The following ZMYND8 variants were observed in gnomAD, a reference collection of about 807,000 sequenced individuals.
ZMYND8 encodes the protein MYND-type zinc finger-containing chromatin reader ZMYND8.
Under a neutral mutation model 140.8 loss-of-function variants are expected in ZMYND8, and 37 were observed. The observed-to-expected ratio is 0.26, with a 90% CI of 0.20 to 0.35. The LOEUF (loss-of-function observed/expected upper bound fraction) is 0.35, where lower values mean the gene tolerates loss of function less well. Ranked by LOEUF, ZMYND8 falls within the 10% of genes least tolerant of loss-of-function variation. The pLI, the probability that ZMYND8 is intolerant of heterozygous loss-of-function variation, is 1.00. For synonymous variants in ZMYND8, 592 were observed against 597.1 expected (o/e 0.99, Z 0.12); for missense variants, 1,068 against 1,570.0 (o/e 0.68, Z 5.40).
At chr20:47,346,760 C>A (rs1326573082) in intron 2 of ZMYND8, among the ~76,000 whole-genome samples, 2 of 152,194 alleles carry the variant, frequency 1.3e-5, no homozygotes, top group Admixed American at 1.3e-4. Flanking sequence ...GCGCGTGCCA[C>A]CATGCCCGAC....
chr20:47,314,161 C>T (rs915485648), intron 2 of ZMYND8, among the ~76,000 whole-genome samples: 1 of 151,986 alleles, frequency 6.6e-6, no homozygotes, highest in African/African-American at 2.4e-5. Context: ...CCACTCTATA[C>T]CCTTGTGTAC....
At chr20:47,235,626 G>A (rs770443247) in intron 16 of ZMYND8, among the ~76,000 whole-genome samples, 5 of 151,656 alleles carry the variant, frequency 3.3e-5, no homozygotes, top group Admixed American at 1.3e-4. Context: ...AGAATTGCTT[G>A]AACCCAGGAG....
intron 12 of ZMYND8, among the ~76,000 whole-genome samples, chr20:47,255,738 A>ATATATATATATATACGG (rs2074610952): frequency 3.2e-5 from 1 of 31,698 alleles, no homozygotes; most frequent in Non-Finnish European, 5.9e-5. Context: ...ATATATATAT[A>ATATATATATATATACGG]TATATATATA....
chr20:47,216,949 G>A (rs1176676431), intron 21 of ZMYND8, among the ~76,000 whole-genome samples: 1 of 152,202 alleles, frequency 6.6e-6, no homozygotes, highest in African/African-American at 2.4e-5. Context: ...GTGATGAGAG[G>A]AGTTTGTGTT....
At chr20:47,270,161 C>A (rs1450373703) in intron 11 of ZMYND8, among the ~76,000 whole-genome samples, 1 of 151,480 alleles carries the variant, frequency 6.6e-6, no homozygotes, top group Non-Finnish European at 1.5e-5. Flanking sequence ...CTGCTTGAGC[C>A]CAAGAGTTGA....
At chr20:47,236,937 C>A (rs1003928588) in intron 15 of ZMYND8, among the ~76,000 whole-genome samples, 2 of 152,198 alleles carry the variant, frequency 1.3e-5, no homozygotes, top group African/African-American at 4.8e-5. Flanking sequence ...CCTGACTCTA[C>A]TGAGGCCCAA....
intron 8 of ZMYND8, chr20:47,285,621 T>G (rs1271919573): frequency 1.1e-6 from 1 of 937,008 alleles, no homozygotes; most frequent in Non-Finnish European, 1.3e-6. Context: ...ATCTGACATG[T>G]TCACAGCCTC....
At chr20:47,236,183 T>TG (rs2039207379) in intron 16 of ZMYND8, 143 bp downstream of exon 16, 5 of 932,598 alleles carry the variant, frequency 5.4e-6, no homozygotes, top group Non-Finnish European at 3.2e-6. Flanking sequence ...AACGTGGTCT[T>TG]GGAGATTCTG....
At chr20:47,343,974 T>C (rs2082129997) in intron 2 of ZMYND8, among the ~76,000 whole-genome samples, 1 of 149,990 alleles carries the variant, frequency 6.7e-6, no homozygotes, top group South Asian at 2.1e-4. Flanking sequence ...TTTTTTTTTT[T>C]TTTTCTTTTT....
intron 11 of ZMYND8, among the ~76,000 whole-genome samples, chr20:47,271,597 G>C (rs1043262505): frequency 6.6e-6 from 1 of 152,214 alleles, no homozygotes; most frequent in Admixed American, 6.5e-5. Context: ...CAGCTTAACA[G>C]TAGGACTTAT....
At chr20:47,293,155 G>GAA (rs2077395228) in intron 5 of ZMYND8, among the ~76,000 whole-genome samples, 1 of 47,282 alleles carries the variant, frequency 2.1e-5, no homozygotes, top group East Asian at 7.6e-4. Flanking sequence ...AGGAAGGGAG[G>GAA]GAGGGAGGGA....
chr20:47,239,288 G>C, intron 14 of ZMYND8, 150 bp from the exon 15 acceptor site: 1 of 1,083,972 alleles, frequency 9.2e-7, no homozygotes, highest in Non-Finnish European at 1.2e-6. Flanking sequence ...CGCTGGAGGA[G>C]TACATTCTCA....
At chr20:47,325,876 A>C (rs899206273) in intron 2 of ZMYND8, among the ~76,000 whole-genome samples, 21 of 151,934 alleles carry the variant, frequency 1.4e-4, no homozygotes, top group African/African-American at 4.6e-4. Context: ...GATTCAAGCA[A>C]TTCTCCTGCC....
intron 2 of ZMYND8, among the ~76,000 whole-genome samples, chr20:47,313,364 T>G (rs1325671154): frequency 1.3e-5 from 2 of 152,168 alleles, no homozygotes; most frequent in East Asian, 3.9e-4. Flanking sequence ...GGCTCACGCC[T>G]GTAATCCCAG....
intron 11 of ZMYND8, among the ~76,000 whole-genome samples, chr20:47,266,447 A>G (rs1477843006): frequency 6.6e-6 from 1 of 151,892 alleles, no homozygotes; most frequent in Admixed American, 6.6e-5. Context: ...CGCCCGGCTA[A>G]TTTTTGTATT....
At chr20:47,350,056 A>G (rs2082645100) in intron 1 of ZMYND8, 7 of 1,420,012 alleles carry the variant, frequency 4.9e-6, no homozygotes, top group Middle Eastern at 1.8e-4. Context: ...AAGATAATCA[A>G]TGCTGGAGCA....
chr20:47,355,733 T>C (rs1443874427), intron 1 of ZMYND8: 2 of 151,786 alleles, frequency 1.3e-5, no homozygotes, highest in South Asian at 2.1e-4. Flanking sequence ...AAGGTAACAT[T>C]AGTTCCTTGA....
chr20:47,315,686 T>C (rs1202287979), intron 2 of ZMYND8, among the ~76,000 whole-genome samples: 2 of 152,170 alleles, frequency 1.3e-5, no homozygotes, highest in Non-Finnish European at 2.9e-5. Flanking sequence ...CAAGGATGTA[T>C]TGCCCAGTGC....
intron 3 of ZMYND8, 70 bp downstream of exon 3, chr20:47,309,986 C>T: frequency 6.3e-7 from 1 of 1,596,186 alleles, no homozygotes; most frequent in Non-Finnish European, 8.6e-7. Flanking sequence ...TTACAAGGAT[C>T]CAGAGGTTCA....
Sources: gnomAD v4.1 joint callset for allele counts (sites outside exome capture counted in the v4.1 genomes callset) on GRCh38, gnomAD v4.1.1 for gene constraint, MANE v1.5 for transcripts, NCBI Gene and HGNC (gene_info 2026-07-23, HGNC 2026-07-21) for gene names.